The following CHD1L variants were observed in gnomAD, a reference collection of about 807,000 sequenced individuals.
CHD1L encodes ATP-dependent chromatin remodeler CHD1L.
Under a neutral mutation model 115.9 loss-of-function variants are expected in CHD1L, and 118 were observed. The ratio of observed to expected loss-of-function variants is 1.02; its 90% confidence interval spans 0.88 to 1.19. The LOEUF (loss-of-function observed/expected upper bound fraction) is 1.19, where lower values mean the gene tolerates loss of function less well. Among genes scored for constraint, CHD1L ranks in the 50% most tolerant of loss-of-function variants. CHD1L has a pLI of 0.00. For synonymous variants in CHD1L, 411 were observed against 387.1 expected (o/e 1.06, Z -0.72); for missense variants, 1,179 against 1,065.3 (o/e 1.11, Z -1.49).
At chr1:147,227,018 G>C in the CHD1L span, among the ~76,000 whole-genome samples, 1 of 152,012 alleles carries the variant, frequency 6.6e-6, no homozygotes, top group Non-Finnish European at 1.5e-5. Flanking sequence ...TTGTAGAAAT[G>C]AGGTTTCACT....
At chr1:147,181,814 TA>T in the CHD1L span, among the ~76,000 whole-genome samples, 4 of 152,190 alleles carry the variant, frequency 2.6e-5, no homozygotes, top group African/African-American at 9.7e-5. Context: ...CCATGCATTT[TA>T]AATGAGGTGG....
the CHD1L span, among the ~76,000 whole-genome samples, chr1:147,224,577 T>A: frequency 1.1e-4 from 16 of 152,208 alleles, no homozygotes; most frequent in African/African-American, 3.9e-4. Context: ...TGGGGCGATC[T>A]CGGCTCACTG....
the CHD1L span, chr1:147,178,774 G>T: frequency 3.1e-6 from 5 of 1,603,232 alleles, no homozygotes; most frequent in Non-Finnish European, 4.3e-6. Context: ...CAAGACTGTG[G>T]CATATACAGT....
chr1:147,183,146 C>T, the CHD1L span, among the ~76,000 whole-genome samples: 5 of 152,036 alleles, frequency 3.3e-5, no homozygotes, highest in Non-Finnish European at 5.9e-5. Flanking sequence ...TGCAGTGAGC[C>T]GAGATGGCGT....
the CHD1L span, among the ~76,000 whole-genome samples, chr1:147,201,807 A>T: frequency 5.8e-4 from 88 of 152,308 alleles, 1 homozygote; most frequent in African/African-American, 2.1e-3. Context: ...TGATAAGGCC[A>T]CAGGTCAATA....
the CHD1L span, among the ~76,000 whole-genome samples, chr1:147,218,747 T>C: frequency 0.14 from 21,826 of 152,246 alleles, 1,541 homozygotes; most frequent in South Asian, 0.18. Flanking sequence ...ATTTCTAAGT[T>C]ATTAAATTGT....
the CHD1L span, among the ~76,000 whole-genome samples, chr1:147,205,897 A>G: frequency 5.9e-5 from 9 of 152,154 alleles, no homozygotes; most frequent in Non-Finnish European, 1.3e-4. Flanking sequence ...CATGGCAACA[A>G]AAGCCAAAAT....
intron 19 of CHD1L, 32 bp downstream of exon 19, chr1:147,287,765 G>A (rs201958738): frequency 6.3e-7 from 1 of 1,584,876 alleles, no homozygotes; most frequent in East Asian, 2.2e-5. Context: ...AAGGTTAAGG[G>A]TGGAATAAGA....
In CHD1L at chr1:147,256,521, A is replaced by G. The variant is rs950785206; in HGVS notation, c.463-10A>G. 1.9e-6 allele frequency: 3 copies of G among 1,612,712 alleles called. No homozygotes were observed. Among genetic ancestry groups the G allele is most frequent in the Non-Finnish European group, 8.5e-7 (1 of 1,178,882 alleles). On this transcript the variant is annotated splice_polypyrimidine_tract_variant and intron_variant, in intron 4 of 22. Transcript: ENST00000369258. ...GCCAGCCTTTATAACGTGTCTTCCT[A>G]ATTTTTCAGATTTGCTTGAAAGATG...
chr1:147,278,376 C>T (rs1679432802), intron 14 of CHD1L, among the ~76,000 whole-genome samples: 1 of 151,576 alleles, frequency 6.6e-6, no homozygotes, highest in Admixed American at 6.6e-5. Context: ...AGGCGCGCAC[C>T]ACCACGCCTA....
the CHD1L span, chr1:147,213,578 G>A: frequency 2.2e-6 from 2 of 897,392 alleles, no homozygotes; most frequent in East Asian, 2.8e-5. Context: ...TAGGACCCAT[G>A]CAGGGATATT....
the CHD1L span, among the ~76,000 whole-genome samples, chr1:147,196,351 C>T: frequency 8.6e-5 from 13 of 151,992 alleles, no homozygotes; most frequent in South Asian, 2.1e-4. Context: ...TAGGTCTCTT[C>T]GGATACTCAA....
At chr1:147,232,567 T>C in the CHD1L span, among the ~76,000 whole-genome samples, 1 of 151,058 alleles carries the variant, frequency 6.6e-6, no homozygotes, top group South Asian at 2.2e-4. Flanking sequence ...TGGACTGTAC[T>C]GCTGCCATCT....
chr1:147,213,504 C>G, the CHD1L span: 1 of 1,545,472 alleles, frequency 6.5e-7, no homozygotes, highest in Non-Finnish European at 8.7e-7. Flanking sequence ...AGGGGACATC[C>G]CTGACATGAC....
chr1:147,287,141 A>C (rs2102936819), intron 18 of CHD1L, among the ~76,000 whole-genome samples: 2 of 152,356 alleles, frequency 1.3e-5, no homozygotes, highest in Non-Finnish European at 1.5e-5. Context: ...TGGTGCCTAG[A>C]ACGATGCCTT....
At chr1:147,214,272 C>T in the CHD1L span, among the ~76,000 whole-genome samples, 59 of 151,790 alleles carry the variant, frequency 3.9e-4, no homozygotes, top group Admixed American at 3.0e-3. Flanking sequence ...GCCAACATGG[C>T]GAAACCCCGT....
At chr1:147,249,259 T>G (rs371264485) in intron 1 of CHD1L, among the ~76,000 whole-genome samples, 156 of 152,282 alleles carry the variant, frequency 1.0e-3, no homozygotes, top group African/African-American at 3.4e-3. Context: ...TTCTGGCCTT[T>G]AAGATTTCTG....
chr1:147,269,215 C>T (rs1675170036), intron 10 of CHD1L, among the ~76,000 whole-genome samples: 1 of 152,178 alleles, frequency 6.6e-6, no homozygotes, highest in Non-Finnish European at 1.5e-5. Context: ...ACAGAGACAA[C>T]ACTGAGCATT....
At chr1:147,228,152 C>T in the CHD1L span, among the ~76,000 whole-genome samples, 2 of 151,980 alleles carry the variant, frequency 1.3e-5, no homozygotes, top group African/African-American at 4.8e-5. Context: ...AATGCTATCC[C>T]TTCCCCAGCC....
Sources: allele counts gnomAD v4.1 joint callset (sites outside exome capture counted in the v4.1 genomes callset), GRCh38; gene constraint gnomAD v4.1.1; transcripts MANE v1.5; gene names NCBI Gene and HGNC (gene_info 2026-07-23, HGNC 2026-07-21).